Variants in PARD3 observed in about 807,000 individuals in gnomAD.
PARD3 encodes par-3 family cell polarity regulator, also known as partitioning defective 3 homolog.
Under a neutral mutation model 155.4 loss-of-function variants are expected in PARD3, and 75 were observed. The ratio of observed to expected loss-of-function variants is 0.48; its 90% CI spans 0.40 to 0.58. PARD3 has a LOEUF of 0.58. Ranked by LOEUF, PARD3 falls within the 20% of genes least tolerant of loss-of-function variation. The pLI is 0.00. For missense variants in PARD3, 1,642 were observed against 1,721.7 expected (o/e 0.95, Z 0.82); for synonymous variants, 576 against 610.5 (o/e 0.94, Z 0.83).
intron 20 of PARD3, among the ~76,000 whole-genome samples, chr10:34,298,523 A>G (rs1957013061): frequency 6.6e-6 from 1 of 152,222 alleles, no homozygotes; most frequent in African/African-American, 2.4e-5. Context: ...TTCGGCTTAT[A>G]TGAGGTAGCT....
At chr10:34,132,390 T>C (rs2132784930) in intron 22 of PARD3, among the ~76,000 whole-genome samples, 1 of 143,078 alleles carries the variant, frequency 7.0e-6, no homozygotes, top group East Asian at 2.1e-4. Flanking sequence ...AAGTGGTTCA[T>C]TTGGGGATCT....
chr10:34,151,453 A>C (rs1948779049), intron 22 of PARD3, among the ~76,000 whole-genome samples: 2 of 152,184 alleles, frequency 1.3e-5, no homozygotes, highest in African/African-American at 4.8e-5. Flanking sequence ...AGTTGTAATA[A>C]AATCCTTATT....
chr10:34,543,923 G>T (rs192030676), intron 2 of PARD3, among the ~76,000 whole-genome samples: 1 of 152,094 alleles, frequency 6.6e-6, no homozygotes, highest in Non-Finnish European at 1.5e-5. Flanking sequence ...CCATATATTC[G>T]GTACCTGCTC....
At chr10:34,752,464 T>A (rs1836168523) in intron 1 of PARD3, among the ~76,000 whole-genome samples, 1 of 151,914 alleles carries the variant, frequency 6.6e-6, no homozygotes, top group Non-Finnish European at 1.5e-5. Context: ...GTCAGCCTTT[T>A]ATATTATTTA....
At chr10:34,187,288 G>C (rs774613389) in intron 22 of PARD3, among the ~76,000 whole-genome samples, 1 of 152,182 alleles carries the variant, frequency 6.6e-6, no homozygotes, top group Non-Finnish European at 1.5e-5. Flanking sequence ...TGCTATTGAA[G>C]TGGCTCCACC....
At chr10:34,171,535 T>A (rs2009026) in intron 22 of PARD3, among the ~76,000 whole-genome samples, 65,798 of 151,922 alleles carry the variant, frequency 0.43, 14,813 homozygotes, top group Non-Finnish European at 0.5. Flanking sequence ...TGTTGCAGGA[T>A]CTGTGCGTCC....
At chr10:34,794,518 G>A (rs1172562908) in intron 1 of PARD3, among the ~76,000 whole-genome samples, 1 of 152,168 alleles carries the variant, frequency 6.6e-6, no homozygotes, top group Non-Finnish European at 1.5e-5. Context: ...TCTGAACACT[G>A]TTCATTAGTA....
chr10:34,712,312 G>T (rs2094459947), intron 1 of PARD3, among the ~76,000 whole-genome samples: 1 of 152,186 alleles, frequency 6.6e-6, no homozygotes, highest in African/African-American at 2.4e-5. Flanking sequence ...GTAGCTACAG[G>T]ATATTCTGCT....
At chr10:34,652,818 CTTTAG>C (rs1177426127) in intron 2 of PARD3, among the ~76,000 whole-genome samples, 4 of 152,186 alleles carry the variant, frequency 2.6e-5, no homozygotes. Context: ...CATGTGAATT[CTTTAG>C]TTATAAGAAG....
At chr10:34,479,398 T>A (rs891511095) in intron 3 of PARD3, among the ~76,000 whole-genome samples, 1 of 152,086 alleles carries the variant, frequency 6.6e-6, no homozygotes, top group Non-Finnish European at 1.5e-5. Flanking sequence ...CCTGACCTCA[T>A]GATCCGCCCA....
chr10:34,735,347 A>T (rs957340202), intron 1 of PARD3, among the ~76,000 whole-genome samples: 1 of 152,206 alleles, frequency 6.6e-6, no homozygotes, highest in Non-Finnish European at 1.5e-5. Flanking sequence ...TCTTTTCATT[A>T]AAGGAATAAA....
intron 1 of PARD3, among the ~76,000 whole-genome samples, chr10:34,814,654 G>C (rs918262430): frequency 6.6e-6 from 1 of 151,870 alleles, no homozygotes; most frequent in African/African-American, 2.4e-5. Context: ...GAGGGCGGGG[G>C]CCGCGGGACC....
At chr10:34,114,373 T>TCA (rs1946553659) in intron 24 of PARD3, among the ~76,000 whole-genome samples, 2 of 152,194 alleles carry the variant, frequency 1.3e-5, no homozygotes, top group Non-Finnish European at 2.9e-5. Context: ...AGACAGAGCC[T>TCA]CACTCTTTTG....
chr10:34,432,310 G>A (rs1751722535), intron 5 of PARD3, among the ~76,000 whole-genome samples: 1 of 143,824 alleles, frequency 7.0e-6, no homozygotes. Context: ...CAGGTGCTGT[G>A]AAAATAGAAA....
intron 22 of PARD3, among the ~76,000 whole-genome samples, chr10:34,216,925 C>T (rs573974748): frequency 6.6e-6 from 1 of 152,316 alleles, no homozygotes; most frequent in South Asian, 2.1e-4. Flanking sequence ...CTGTCCCCAT[C>T]CCCATCCTCA....
At chr10:34,783,349 A>G (rs990419544) in intron 1 of PARD3, among the ~76,000 whole-genome samples, 8 of 152,120 alleles carry the variant, frequency 5.3e-5, no homozygotes, top group Admixed American at 5.2e-4. Flanking sequence ...TCACGCCTGT[A>G]ATCCCAGCAC....
intron 1 of PARD3, among the ~76,000 whole-genome samples, chr10:34,805,793 G>A (rs1010850464): frequency 1.1e-4 from 16 of 151,680 alleles, no homozygotes; most frequent in African/African-American, 3.6e-4. Flanking sequence ...TGGCTAACAC[G>A]GTGAAACCCC....
intron 7 of PARD3, among the ~76,000 whole-genome samples, chr10:34,393,662 A>G (rs1843050194): frequency 6.6e-6 from 1 of 151,860 alleles, no homozygotes. Context: ...AGGCCAGGGT[A>G]GCAGGATCAC....
chr10:34,636,711 G>A (rs185585375), intron 2 of PARD3, among the ~76,000 whole-genome samples: 2 of 152,320 alleles, frequency 1.3e-5, no homozygotes, highest in East Asian at 3.9e-4. Flanking sequence ...TTGACTGCAT[G>A]CGCTCTAGGG....
Sources: gnomAD v4.1 joint callset for allele counts (sites outside exome capture counted in the v4.1 genomes callset) on GRCh38, gnomAD v4.1.1 for gene constraint, MANE v1.5 for transcripts, NCBI Gene and HGNC (gene_info 2026-07-23, HGNC 2026-07-21) for gene names.